The following SMOC1 variants were observed in gnomAD, a reference collection of about 807,000 sequenced individuals.
SMOC1 encodes SPARC related modular calcium binding 1.
SMOC1 carries 22 observed loss-of-function variants against 56.3 expected under a neutral mutation model. That is an observed-to-expected ratio of 0.39 (90% CI 0.28 to 0.56). The LOEUF is 0.56. SMOC1 is among the 20% of genes least tolerant of loss of function. SMOC1 has a pLI of 0.61. For missense variants in SMOC1, 509 were observed against 565.4 expected (o/e 0.90, Z 1.01); for synonymous variants, 193 against 215.0 (o/e 0.90, Z 0.89).
At chr14:69,976,462 G>T (rs1401927305) in intron 4 of SMOC1, among the ~76,000 whole-genome samples, 2 of 152,222 alleles carry the variant, frequency 1.3e-5, no homozygotes, top group African/African-American at 4.8e-5. Flanking sequence ...AGGTGATTCT[G>T]ATGATTAGAC....
chr14:69,905,844 A>G (rs896536420), intron 1 of SMOC1, among the ~76,000 whole-genome samples: 4 of 152,218 alleles, frequency 2.6e-5, no homozygotes, highest in Admixed American at 1.3e-4. Flanking sequence ...CAGAAAGAGA[A>G]GCAGACTTGA....
At chr14:69,973,013 G>A (rs775169650) in intron 3 of SMOC1, among the ~76,000 whole-genome samples, 3 of 152,336 alleles carry the variant, frequency 2.0e-5, no homozygotes, top group Non-Finnish European at 4.4e-5. Flanking sequence ...GTGAGTCAGC[G>A]TGGCCATTCA....
chr14:69,942,229 A>G (rs550901320), intron 1 of SMOC1, among the ~76,000 whole-genome samples: 1 of 152,006 alleles, frequency 6.6e-6, no homozygotes, highest in East Asian at 1.9e-4. Context: ...TTGTAGGGGC[A>G]GGGCCTGTGT....
At chr14:69,976,762 T>C (rs1358688877) in intron 4 of SMOC1, among the ~76,000 whole-genome samples, 2 of 152,230 alleles carry the variant, frequency 1.3e-5, no homozygotes, top group African/African-American at 4.8e-5. Context: ...TAGGGTTTTA[T>C]TGATTTACAT....
rs144198091 is a variant in SMOC1, at chr14:69,925,628, G to A, written c.100-26510G>A. On this transcript the variant is annotated intron_variant, in intron 1 of 11. Coordinates refer to ENST00000361956, the MANE Select transcript of SMOC1 (RefSeq NM_001034852.3). The stretch of plus-strand genomic sequence containing the variant: ...GGGGCTTGTGTGTCTTACTCCCTGT[G>A]TCTCCGTCTCCGGCACTAAGAACAG... 9.2e-5 allele frequency among the ~76,000 whole-genome samples: 14 copies of A among 152,266 alleles called. No individual in the cohort carries two copies. The East Asian group carries it at 2.5e-3, about 27-fold the overall frequency.
chr14:70,030,440 C>A lies in SMOC1; in HGVS notation c.*182C>A. 4.0e-6 allele frequency: 2 copies of A among 494,928 alleles called. No individual in the cohort carries two copies. The highest frequency in any genetic ancestry group is 7.0e-6 in the Non-Finnish European group (2 of 284,958). 30.7% of individuals were successfully genotyped at this position (494,928 alleles called of 1,614,324 possible). ...TGTTTTTGGTTTCATTTTAAAACACCAATATCTAATACCACAGTGGGAAAA... is the reference window on the plus strand; with the variant it reads ...TGTTTTTGGTTTCATTTTAAAACACAAATATCTAATACCACAGTGGGAAAA... On this transcript the variant is annotated 3_prime_UTR_variant, in exon 12 of 12. Transcript: ENST00000361956.
At chr14:69,909,720 C>G (rs1374458131) in intron 1 of SMOC1, among the ~76,000 whole-genome samples, 1 of 151,966 alleles carries the variant, frequency 6.6e-6, no homozygotes, top group African/African-American at 2.4e-5. Context: ...GGGTATTTTC[C>G]AAAGGTACCC....
intron 3 of SMOC1, among the ~76,000 whole-genome samples, chr14:69,973,053 T>C (rs552377773): frequency 2.0e-5 from 3 of 152,224 alleles, no homozygotes; most frequent in East Asian, 3.9e-4. Flanking sequence ...CCAGAGGTGA[T>C]TATTGACCAA....
chr14:70,027,858 A>G (rs1885989817), intron 11 of SMOC1, among the ~76,000 whole-genome samples: 1 of 152,180 alleles, frequency 6.6e-6, no homozygotes, highest in South Asian at 2.1e-4. Context: ...CCGGGAAAGA[A>G]GGTATGAGTT....
At chr14:69,904,213 A>G (rs1227467074) in intron 1 of SMOC1, among the ~76,000 whole-genome samples, 7 of 152,216 alleles carry the variant, frequency 4.6e-5, no homozygotes, top group African/African-American at 1.7e-4. Flanking sequence ...ATTTTCTGTC[A>G]TTCACAACAG....
intron 1 of SMOC1, among the ~76,000 whole-genome samples, chr14:69,951,217 T>C (rs1458461494): frequency 6.6e-6 from 1 of 152,182 alleles, no homozygotes; most frequent in African/African-American, 2.4e-5. Context: ...AGGAAGGAGC[T>C]GCAAGGCTTC....
chr14:69,987,165 A>G (rs1884396689), intron 5 of SMOC1, among the ~76,000 whole-genome samples: 1 of 152,210 alleles, frequency 6.6e-6, no homozygotes, highest in Non-Finnish European at 1.5e-5. Context: ...GGTCCCTTCA[A>G]AGCAAGAACC....
chr14:69,899,786 C>A (rs1884194295), intron 1 of SMOC1, among the ~76,000 whole-genome samples: 1 of 152,140 alleles, frequency 6.6e-6, no homozygotes, highest in South Asian at 2.1e-4. Flanking sequence ...GAGCCTCTGG[C>A]AGGTTGTCAG....
At chr14:69,960,661 A>G (rs770407312) in intron 3 of SMOC1, among the ~76,000 whole-genome samples, 57 of 152,180 alleles carry the variant, frequency 3.7e-4, no homozygotes, top group Admixed American at 3.9e-4. Context: ...GCATCTCACT[A>G]CTTGTTTTAC....
intron 10 of SMOC1, among the ~76,000 whole-genome samples, chr14:70,016,289 T>C (rs1231478961): frequency 6.6e-6 from 1 of 152,270 alleles, no homozygotes. Flanking sequence ...TTTTCCATTC[T>C]ATTTTAAGCG....
chr14:69,944,629 G>T (rs12590177), intron 1 of SMOC1, among the ~76,000 whole-genome samples: 32,037 of 152,098 alleles, frequency 0.21, 4,305 homozygotes, highest in East Asian at 0.39. Context: ...CATGCGTATG[G>T]TAGCTGCCCG....
intron 1 of SMOC1, among the ~76,000 whole-genome samples, chr14:69,947,905 C>T (rs916507765): frequency 1.3e-5 from 2 of 152,180 alleles, no homozygotes; most frequent in Non-Finnish European, 2.9e-5. Context: ...TCGGAGCGTT[C>T]CAGAGTCTCT....
At chr14:69,987,812 TG>T (rs1884420824) in intron 5 of SMOC1, among the ~76,000 whole-genome samples, 1 of 152,176 alleles carries the variant, frequency 6.6e-6, no homozygotes, top group Non-Finnish European at 1.5e-5. Context: ...TGTCTGTGCG[TG>T]GGCCAGGCCT....
chr14:69,894,716 G>T (rs1305726175), intron 1 of SMOC1, among the ~76,000 whole-genome samples: 1 of 152,212 alleles, frequency 6.6e-6, no homozygotes, highest in Non-Finnish European at 1.5e-5. Flanking sequence ...CCCTCTTACT[G>T]CATGACCAGT....
Sources: gnomAD v4.1 joint callset for allele counts (sites outside exome capture counted in the v4.1 genomes callset) on GRCh38, gnomAD v4.1.1 for gene constraint, MANE v1.5 for transcripts, NCBI Gene and HGNC (gene_info 2026-07-23, HGNC 2026-07-21) for gene names.